The following RBM6 variants were observed in gnomAD, a reference collection of about 807,000 sequenced individuals.
RBM6 encodes RNA-binding protein 6.
Under a neutral mutation model 140.4 loss-of-function variants are expected in RBM6, and 23 were observed. That is an observed-to-expected ratio of 0.16 (90% confidence interval 0.12 to 0.23). The LOEUF (loss-of-function observed/expected upper bound fraction) is 0.23, where lower values mean the gene tolerates loss of function less well. Among genes scored for constraint, RBM6 ranks in the 10% least tolerant of loss-of-function variants. The pLI is 1.00. For missense variants in RBM6, 1,139 were observed against 1,386.7 expected, an observed-to-expected ratio of 0.82 and a Z score of 2.84; for synonymous variants, 439 against 475.6, an observed-to-expected ratio of 0.92 and a Z score of 1.00.
At chr3:50,040,493 T>TATATATATACAC (rs749096137) in intron 6 of RBM6, among the ~76,000 whole-genome samples, 5 of 85,874 alleles carry the variant, frequency 5.8e-5, no homozygotes, top group Non-Finnish European at 6.9e-5. Context: ...TATATATATA[T>TATATATATACAC]ACACACACAC....
intron 6 of RBM6, among the ~76,000 whole-genome samples, chr3:50,041,153 A>G (rs1455851153): frequency 1.3e-5 from 2 of 152,238 alleles, no homozygotes; most frequent in African/African-American, 4.8e-5. Context: ...CATCTAGTCA[A>G]GAAAAGATAG....
chr3:50,010,762 G>C (rs2086803483), intron 6 of RBM6, among the ~76,000 whole-genome samples: 1 of 151,662 alleles, frequency 6.6e-6, no homozygotes, highest in Non-Finnish European at 1.5e-5. Context: ...AATTAGCCCA[G>C]CATGGTGGTG....
At chr3:49,946,015 G>GT (rs2083470770) in intron 1 of RBM6, among the ~76,000 whole-genome samples, 1 of 151,920 alleles carries the variant, frequency 6.6e-6, no homozygotes, top group African/African-American at 2.4e-5. Context: ...GAGGACAGAG[G>GT]TAGAAGGGGG....
At chr3:49,984,724 C>G (rs181832557) in intron 5 of RBM6, among the ~76,000 whole-genome samples, 14 of 152,106 alleles carry the variant, frequency 9.2e-5, no homozygotes, top group Non-Finnish European at 1.6e-4. Flanking sequence ...TGTAGTCAGC[C>G]TTACTGTTTG....
At position 50,070,482 on chromosome 3, in the gene RBM6, C is replaced by G. The variant is rs144372266; in HGVS notation, c.3046C>G (p.Arg1016Gly). ...EGKFKGRGNDRREKLQSFDSP... is the reference protein window; with the variant it reads ...EGKFKGRGNDGREKLQSFDSP... ...AAAGTTTAAAGGAAGAGGAAATGAT[C>G]GCAGGGAAAAGCTCCAGTCTTTTGA... Residue 1016 changes from arginine (R) to glycine (G), a missense_variant, in exon 19 of 21, where the codon CGC (arginine) becomes GGC (glycine). By Grantham distance (125) the Arg-to-Gly change is moderately radical (BLOSUM62 -2). Transcript: ENST00000266022. The G allele has an allele frequency of 5.6e-6, 9 of 1,613,984 alleles. No homozygotes were observed. The highest frequency in any genetic ancestry group is 3.3e-5 in the South Asian group (3 of 91,074).
intron 6 of RBM6, among the ~76,000 whole-genome samples, chr3:50,041,500 TTGTAC>T (rs2088917604): frequency 1.3e-5 from 2 of 152,206 alleles, no homozygotes; most frequent in Admixed American, 1.3e-4. Flanking sequence ...TAACATATCC[TTGTAC>T]CATAAAGAAT....
intron 5 of RBM6, among the ~76,000 whole-genome samples, chr3:49,990,497 A>C (rs2085770044): frequency 6.6e-6 from 1 of 152,254 alleles, no homozygotes; most frequent in Non-Finnish European, 1.5e-5. Context: ...ATCAAAATGT[A>C]GTTAAGCAGC....
At chr3:50,011,531 T>C (rs970815752) in intron 6 of RBM6, among the ~76,000 whole-genome samples, 1 of 152,216 alleles carries the variant, frequency 6.6e-6, no homozygotes, top group African/African-American at 2.4e-5. Context: ...CCTGGTTTCC[T>C]GAAATTGCTA....
chr3:50,077,048 G>T lies in RBM6; in HGVS notation c.3287G>T (p.Gly1096Val). The T allele has an allele frequency of 2.5e-6, 4 of 1,613,098 alleles. No individual in the cohort carries two copies. The highest frequency in any genetic ancestry group is 3.4e-6 in the Non-Finnish European group (4 of 1,179,884). Residue 1096 changes from glycine to valine, a missense_variant, in exon 21 of 21, where the codon GGA (glycine) becomes GTA (valine). Physicochemically the swap from Gly to Val is moderately radical, Grantham distance 109. Coordinates refer to ENST00000266022, the MANE Select transcript of RBM6 (RefSeq NM_005777.3). ...AGGGGCCCCAGTGTTGGAGCCTCAGGAAGAACCAGCAAAAGACAGTCCAAC... is the reference window on the plus strand; with the variant it reads ...AGGGGCCCCAGTGTTGGAGCCTCAGTAAGAACCAGCAAAAGACAGTCCAAC... ...RMRGPSVGAS[G>V]RTSKRQSNET...
At chr3:50,037,819 C>CTTTT (rs11328228) in intron 6 of RBM6, among the ~76,000 whole-genome samples, 4 of 127,476 alleles carry the variant, frequency 3.1e-5, no homozygotes, top group African/African-American at 1.2e-4. Flanking sequence ...CTTTTCTTTC[C>CTTTT]TTTTTTTTTT....
intron 6 of RBM6, among the ~76,000 whole-genome samples, chr3:50,003,603 G>A (rs2086443637): frequency 6.6e-6 from 1 of 152,134 alleles, no homozygotes; most frequent in African/African-American, 2.4e-5. Flanking sequence ...AAATATTGTT[G>A]GGTATGTGTG....
At chr3:49,948,148 C>T (rs924803656) in intron 1 of RBM6, among the ~76,000 whole-genome samples, 2 of 152,122 alleles carry the variant, frequency 1.3e-5, no homozygotes, top group African/African-American at 4.8e-5. Flanking sequence ...TTTCTGGTCT[C>T]TCCATTCAGT....
intron 6 of RBM6, among the ~76,000 whole-genome samples, chr3:50,012,579 A>C (rs533038925): frequency 1.3e-5 from 2 of 151,762 alleles, no homozygotes; most frequent in East Asian, 2.0e-4. Context: ...GGATGGTCTC[A>C]ATCTCCTGAC....
At chr3:50,056,019 A>G (rs1263374388) in intron 8 of RBM6, among the ~76,000 whole-genome samples, 1 of 152,216 alleles carries the variant, frequency 6.6e-6, no homozygotes, top group Non-Finnish European at 1.5e-5. Context: ...TTGCAAGGTT[A>G]GAGTTTAATG....
chr3:49,982,252 CTTTTCTTTTCTTTTT>C (rs2085337019), intron 5 of RBM6, among the ~76,000 whole-genome samples: 1 of 70,012 alleles, frequency 1.4e-5, no homozygotes, highest in South Asian at 4.5e-4. Context: ...TTCTGCATTT[CTTTTCTTTTCTTTTT>C]TTTTTTTTTT....
At chr3:49,960,135 T>C (rs1028542644) in intron 1 of RBM6, among the ~76,000 whole-genome samples, 1 of 152,142 alleles carries the variant, frequency 6.6e-6, no homozygotes, top group African/African-American at 2.4e-5. Context: ...GTCCTTCAAA[T>C]ACCCCCGCAG....
At chr3:50,026,919 A>AG (rs1373166905) in intron 6 of RBM6, among the ~76,000 whole-genome samples, 2 of 151,536 alleles carry the variant, frequency 1.3e-5, no homozygotes, top group Non-Finnish European at 2.9e-5. Flanking sequence ...AAAAAAAAAA[A>AG]AAAATAGCAT....
intron 5 of RBM6, among the ~76,000 whole-genome samples, chr3:49,997,921 G>A (rs1456929597): frequency 2.6e-5 from 4 of 152,190 alleles, no homozygotes; most frequent in African/African-American, 9.7e-5. Flanking sequence ...ATTAAGCAGA[G>A]GAGACTGATT....
intron 19 of RBM6, among the ~76,000 whole-genome samples, chr3:50,073,130 A>G (rs1358760862): frequency 6.6e-6 from 1 of 152,176 alleles, no homozygotes; most frequent in Non-Finnish European, 1.5e-5. Flanking sequence ...ATCACTGTCT[A>G]CATGGTCTGA....
Sources: gnomAD v4.1 joint callset for allele counts (sites outside exome capture counted in the v4.1 genomes callset) on GRCh38, gnomAD v4.1.1 for gene constraint, MANE v1.5 for transcripts, NCBI Gene and HGNC (gene_info 2026-07-23, HGNC 2026-07-21) for gene names.